Variants in HECW2 observed in about 807,000 individuals in gnomAD.
The protein encoded by HECW2 is E3 ubiquitin-protein ligase HECW2.
HECW2 carries 61 observed loss-of-function variants against 175.2 expected under a neutral mutation model. The ratio of observed to expected loss-of-function variants is 0.35; its 90% CI spans 0.28 to 0.43. HECW2 has a LOEUF of 0.43. HECW2 is among the 20% of genes least tolerant of loss of function. HECW2 has a pLI of 1.00. For synonymous variants in HECW2, 671 were observed against 731.0 expected (o/e 0.92, Z 1.32); for missense variants, 1,524 against 2,000.5 (o/e 0.76, Z 4.54).
At chr2:196,367,314 AG>A (rs1421086504) in intron 2 of HECW2, among the ~76,000 whole-genome samples, 3 of 152,202 alleles carry the variant, frequency 2.0e-5, no homozygotes, top group African/African-American at 7.2e-5. Flanking sequence ...CAGTAGGTAT[AG>A]GATGGGTCTT....
At position 196,194,327 on chromosome 2, in the gene HECW2, C is replaced by A. The variant is rs1686620701; in HGVS notation, c.*6950G>T. The A allele has an allele frequency of 6.6e-6, 1 of 151,940 alleles. No individual in the cohort carries two copies. Among genetic ancestry groups the A allele is most frequent in the African/African-American group, 2.4e-5 (1 of 41,412 alleles). The allele number at this position is 151,940 out of a possible 1,614,324, so 9.4% of individuals were successfully genotyped here. A position where few individuals can be genotyped will look rare whatever the true frequency, so the allele number is the denominator to read the frequency against. ...ATCTCTACTTCTATTCTCCTCCCTT[C>A]TGAGTTTTCCCTCCCCAAAAGTATT... is the stretch of plus-strand genomic sequence containing the variant. On this transcript the variant is annotated 3_prime_UTR_variant, in exon 29 of 29. Transcript: ENST00000644978.
At chr2:196,345,972 G>T (rs972336441) in intron 2 of HECW2, among the ~76,000 whole-genome samples, 1 of 152,218 alleles carries the variant, frequency 6.6e-6, no homozygotes, top group African/African-American at 2.4e-5. Flanking sequence ...ACACACATAG[G>T]AGATAGAGGG....
At chr2:196,266,355 A>G (rs1038545245) in intron 17 of HECW2, among the ~76,000 whole-genome samples, 4 of 148,920 alleles carry the variant, frequency 2.7e-5, no homozygotes, top group African/African-American at 7.4e-5. Context: ...CCTCAAAAGA[A>G]AAAAAAAAAG....
In HECW2 at chr2:196,195,623, T is replaced by C. The variant is rs960603754; in HGVS notation, c.*5654A>G. 1 of 152,230 alleles carries C rather than the reference T, an allele frequency of 6.6e-6. No homozygotes were observed. Among genetic ancestry groups the C allele is most frequent in the African/African-American group, 2.4e-5 (1 of 41,460 alleles). The allele number at this position is 152,230 out of a possible 1,614,324, so 9.4% of individuals were successfully genotyped here. Reference sequence around the variant, plus strand: ...ACTTTCCAGATTAACAGAGAGCATTTAAGTTATCTTTAGAAATCATGAAAA... The same window carrying C: ...ACTTTCCAGATTAACAGAGAGCATTCAAGTTATCTTTAGAAATCATGAAAA... On this transcript the variant is annotated 3_prime_UTR_variant, in exon 29 of 29. Coordinates refer to ENST00000644978, the MANE Select transcript of HECW2 (RefSeq NM_001348768.2).
At chr2:196,390,024 A>G (rs1559082810) in intron 2 of HECW2, among the ~76,000 whole-genome samples, 1 of 152,208 alleles carries the variant, frequency 6.6e-6, no homozygotes, top group African/African-American at 2.4e-5. Context: ...CTTGAAATAA[A>G]AATAGTTAAC....
At chr2:196,568,073 T>C (rs778166385) in intron 1 of HECW2, among the ~76,000 whole-genome samples, 4 of 152,302 alleles carry the variant, frequency 2.6e-5, no homozygotes, top group East Asian at 1.9e-4. Flanking sequence ...AATTGAAGGG[T>C]TTGCATGTTT....
chr2:196,307,624 G>T (rs2105711875), intron 11 of HECW2, among the ~76,000 whole-genome samples: 1 of 152,284 alleles, frequency 6.6e-6, no homozygotes, highest in South Asian at 2.1e-4. Flanking sequence ...GACTAGAAAA[G>T]ATGTTTGGCT....
chr2:196,452,393 T>C (rs1349270296), intron 1 of HECW2, among the ~76,000 whole-genome samples: 1 of 152,180 alleles, frequency 6.6e-6, no homozygotes, highest in Non-Finnish European at 1.5e-5. Flanking sequence ...TGTGGCTCAC[T>C]AGAATGGTGC....
intron 1 of HECW2, among the ~76,000 whole-genome samples, chr2:196,471,086 G>A (rs539526950): frequency 2.0e-5 from 3 of 151,742 alleles, no homozygotes; most frequent in African/African-American, 7.3e-5. Context: ...ATGGACAATG[G>A]TGGGAGTATC....
chr2:196,317,446 AC>A (rs1264908105), intron 9 of HECW2, 77 bp from the exon 10 acceptor site: 9 of 1,014,670 alleles, frequency 8.9e-6, no homozygotes, highest in Non-Finnish European at 4.6e-6. Context: ...AAAAAACCTA[AC>A]ATAATTCCCA....
chr2:196,227,116 T>A (rs1687876987), intron 22 of HECW2, among the ~76,000 whole-genome samples: 2 of 152,222 alleles, frequency 1.3e-5, no homozygotes, highest in South Asian at 4.1e-4. Context: ...TTATTTCCAT[T>A]TATTTAGCAC....
intron 8 of HECW2, among the ~76,000 whole-genome samples, 190 bp downstream of exon 8, chr2:196,320,149 A>C (rs1436552602): frequency 6.6e-6 from 1 of 152,212 alleles, no homozygotes; most frequent in Non-Finnish European, 1.5e-5. Flanking sequence ...GCATCAATCT[A>C]AGAGACATTT....
Position 196,278,567 on chromosome 2 carries a change from C to T in HECW2, c.3096G>A (p.Arg1032=). ...SSRPTSALVH[R]QHLTRQRSHS... The stretch of plus-strand genomic sequence containing the variant: ...GGCTGCGTTGCCTTGTCAGGTGTTG[C>T]CGATGAACCAGCGCACTTGTGGGTC... Residue 1032 remains arginine (R), a synonymous_variant, in exon 15 of 29, where the codon CGG becomes CGA. Transcript: ENST00000644978. 2 of 1,614,108 alleles carry T rather than the reference C, an allele frequency of 1.2e-6. No homozygotes were observed. The highest frequency in any genetic ancestry group is 1.7e-6 in the Non-Finnish European group (2 of 1,180,008).
At chr2:196,211,500 C>G (rs1687283471) in intron 28 of HECW2, among the ~76,000 whole-genome samples, 1 of 152,112 alleles carries the variant, frequency 6.6e-6, no homozygotes. Flanking sequence ...ATCTGGGTCT[C>G]TAGTCACTTC....
intron 2 of HECW2, among the ~76,000 whole-genome samples, chr2:196,376,201 T>C (rs1018948115): frequency 6.6e-6 from 1 of 152,208 alleles, no homozygotes; most frequent in African/African-American, 2.4e-5. Flanking sequence ...GTCTCCAAAT[T>C]TGTATATTTA....
intron 2 of HECW2, among the ~76,000 whole-genome samples, chr2:196,393,537 A>G (rs188615637): frequency 6.6e-6 from 1 of 152,364 alleles, no homozygotes; most frequent in Non-Finnish European, 1.5e-5. Context: ...TATGAAGCCA[A>G]CAGACACACG....
chr2:196,271,083 G>T, intron 17 of HECW2, 110 bp downstream of exon 17: 3 of 683,002 alleles, frequency 4.4e-6, no homozygotes, highest in Non-Finnish European at 7.7e-6. Context: ...AAGATGTTTT[G>T]CAAAGGATGT....
intron 1 of HECW2, chr2:196,493,422 A>G (rs527701813): frequency 7.6e-4 from 116 of 152,278 alleles, no homozygotes; most frequent in African/African-American, 2.7e-3. Context: ...TAGATGACAT[A>G]AACAGAAACT....
rs1237357838 is a variant in HECW2 at position 196,446,513 on chromosome 2, C to CA, written c.-35-13056dup. 5.3e-5 allele frequency among the ~76,000 whole-genome samples: 8 copies of CA among 152,330 alleles called. No homozygotes were observed. The Middle Eastern group carries it at 0.01, about 194-fold the overall frequency. ...ACCTCTAAGTTGGCAGCTGGACCTACATGGTTTTCTTGGTAGAGCACCTGG... is the reference window on the plus strand; with the variant it reads ...ACCTCTAAGTTGGCAGCTGGACCTACAATGGTTTTCTTGGTAGAGCACCTGG... On this transcript the variant is annotated intron_variant, in intron 1 of 28. Coordinates refer to ENST00000644978, the MANE Select transcript of HECW2 (RefSeq NM_001348768.2).
Sources: allele counts gnomAD v4.1 joint callset (sites outside exome capture counted in the v4.1 genomes callset), GRCh38; gene constraint gnomAD v4.1.1; transcripts MANE v1.5; gene names NCBI Gene and HGNC (gene_info 2026-07-23, HGNC 2026-07-21).